ADAMTSL1: variants seen among roughly 807,000 people sequenced by gnomAD.
ADAMTSL1 encodes ADAMTS-like protein 1.
ADAMTSL1 carries 126 observed loss-of-function variants against 201.8 expected under a neutral mutation model. The ratio of observed to expected loss-of-function variants is 0.62; its 90% CI spans 0.54 to 0.72. The LOEUF is 0.72. Among genes scored for constraint, ADAMTSL1 ranks in the 30% least tolerant of loss-of-function variants. ADAMTSL1 has a pLI of 0.00. For synonymous variants in ADAMTSL1, 1,121 were observed against 903.4 expected, an observed-to-expected ratio of 1.24 and a Z score of -4.32; for missense variants, 2,679 against 2,277.8, an observed-to-expected ratio of 1.18 and a Z score of -3.59.
intron 4 of ADAMTSL1, among the ~76,000 whole-genome samples, chr9:18,589,771 G>T (rs112457590): frequency 4.6e-5 from 7 of 152,190 alleles, no homozygotes; most frequent in African/African-American, 1.7e-4. Flanking sequence ...GAGGGTTTTT[G>T]TCATCTACAG....
intron 2 of ADAMTSL1, among the ~76,000 whole-genome samples, chr9:18,397,370 C>A (rs1168591830): frequency 1.3e-5 from 2 of 152,010 alleles, no homozygotes; most frequent in Non-Finnish European, 2.9e-5. Context: ...TTTCTTGAGT[C>A]TATGATACCA....
intron 2 of ADAMTSL1, among the ~76,000 whole-genome samples, chr9:18,439,787 G>A (rs1819917336): frequency 6.6e-6 from 1 of 152,148 alleles, no homozygotes; most frequent in African/African-American, 2.4e-5. Context: ...GGAATGTCAG[G>A]CAAGTTTCTA....
In ADAMTSL1 at chr9:18,680,468, C is replaced by G. The variant is rs1442610523; in HGVS notation, c.1293C>G (p.Pro431=). 1.2e-6 allele frequency: 2 copies of G among 1,614,072 alleles called. No homozygotes were observed. Among genetic ancestry groups the G allele is most frequent in the East Asian group, 4.5e-5 (2 of 44,896 alleles). ...CCCCTAAGATGCCCATCGCGCAGCC[C>G]TGCAACATTTTTGACTGCCCTAAAT... ...MYTPKMPIAQ[P]CNIFDCPKWL... is the part of the protein sequence containing the mutation. The change falls in exon 11 of 29, where the codon CCC becomes CCG. Residue 431 remains proline (P), a synonymous_variant. Transcript: ENST00000380548.
chr9:18,749,545 A>G (rs1041332396), intron 15 of ADAMTSL1, among the ~76,000 whole-genome samples: 3 of 152,104 alleles, frequency 2.0e-5, no homozygotes, highest in African/African-American at 7.2e-5. Flanking sequence ...GAAAGACTCT[A>G]AGTGTATCCC....
At chr9:18,424,341 TA>T (rs1261047446) in intron 2 of ADAMTSL1, among the ~76,000 whole-genome samples, 1 of 152,212 alleles carries the variant, frequency 6.6e-6, no homozygotes, top group Non-Finnish European at 1.5e-5. Context: ...GTGAATACTT[TA>T]GACCAAATAC....
intron 4 of ADAMTSL1, among the ~76,000 whole-genome samples, chr9:18,611,373 G>A (rs12379776): frequency 0.049 from 7,385 of 152,222 alleles, 258 homozygotes; most frequent in East Asian, 0.2. Context: ...CTGCTAAAGA[G>A]CAGTCCCTGA....
intron 1 of ADAMTSL1, among the ~76,000 whole-genome samples, chr9:18,085,882 C>A (rs1823747873): frequency 6.6e-6 from 1 of 151,834 alleles, no homozygotes; most frequent in African/African-American, 2.4e-5. Flanking sequence ...AGGATAGGAA[C>A]TATTTATCTA....
intron 1 of ADAMTSL1, among the ~76,000 whole-genome samples, chr9:17,932,635 C>T (rs2840772): frequency 0.84 from 127,591 of 152,136 alleles, 53,821 homozygotes; most frequent in East Asian, 0.94. Context: ...TAAACTTCCA[C>T]TAAGTTTATC....
At chr9:18,592,226 C>A in intron 4 of ADAMTSL1, among the ~76,000 whole-genome samples, 1 of 152,090 alleles carries the variant, frequency 6.6e-6, no homozygotes, top group East Asian at 1.9e-4. Context: ...TTTGGATCAT[C>A]TCTTGGTCAA....
At chr9:18,668,141 A>G (rs1329831604) in intron 9 of ADAMTSL1, among the ~76,000 whole-genome samples, 3 of 152,212 alleles carry the variant, frequency 2.0e-5, no homozygotes, top group Non-Finnish European at 4.4e-5. Flanking sequence ...TACTACAGTA[A>G]GTAAATGATT....
intron 1 of ADAMTSL1, among the ~76,000 whole-genome samples, chr9:17,977,501 T>C (rs1211144970): frequency 6.6e-6 from 1 of 152,140 alleles, no homozygotes; most frequent in East Asian, 1.9e-4. Flanking sequence ...GATGATCTAT[T>C]TCTCCATTAT....
chr9:18,158,496 CTCATTAGAATAG>C (rs1027849961), intron 1 of ADAMTSL1, among the ~76,000 whole-genome samples: 1 of 151,878 alleles, frequency 6.6e-6, no homozygotes, highest in African/African-American at 2.4e-5. Flanking sequence ...GACATTTAAG[CTCATTAGAATAG>C]TCCTACCAGG....
At chr9:18,227,517 C>T (rs1830475520) in intron 2 of ADAMTSL1, among the ~76,000 whole-genome samples, 1 of 152,154 alleles carries the variant, frequency 6.6e-6, no homozygotes, top group African/African-American at 2.4e-5. Context: ...TAGAAACAAG[C>T]TGTGTTTGAA....
chr9:18,465,761 GTTTTT>G (rs1221038914), intron 2 of ADAMTSL1, among the ~76,000 whole-genome samples: 1 of 152,016 alleles, frequency 6.6e-6, no homozygotes, highest in Non-Finnish European at 1.5e-5. Context: ...GTTTTGTTTT[GTTTTT>G]GAGACAGAGT....
chr9:18,543,257 T>C (rs1820264925), intron 3 of ADAMTSL1, among the ~76,000 whole-genome samples: 1 of 152,180 alleles, frequency 6.6e-6, no homozygotes, highest in African/African-American at 2.4e-5. Flanking sequence ...CTTTTTGGAG[T>C]TGAGAAGAAC....
intron 2 of ADAMTSL1, among the ~76,000 whole-genome samples, chr9:18,391,824 CT>C (rs11407945): frequency 0.014 from 1,676 of 116,674 alleles, 26 homozygotes; most frequent in African/African-American, 0.051. Context: ...TCTTTTCTTT[CT>C]TTTTTTTTTT....
At chr9:18,374,355 G>A (rs1021156587) in intron 2 of ADAMTSL1, among the ~76,000 whole-genome samples, 2 of 150,126 alleles carry the variant, frequency 1.3e-5, no homozygotes, top group East Asian at 2.0e-4. Context: ...TATTTTTTGG[G>A]ATGGGGTCTC....
intron 1 of ADAMTSL1, among the ~76,000 whole-genome samples, chr9:18,024,175 T>C (rs1820596406): frequency 6.6e-6 from 1 of 152,156 alleles, no homozygotes; most frequent in South Asian, 2.1e-4. Context: ...ATTGTAAATG[T>C]TTTATAATTA....
intron 1 of ADAMTSL1, among the ~76,000 whole-genome samples, chr9:18,048,822 A>G (rs1235333447): frequency 6.6e-6 from 1 of 152,108 alleles, no homozygotes; most frequent in Non-Finnish European, 1.5e-5. Context: ...AGTCCATCCC[A>G]TATGTCTATT....
Sources: gnomAD v4.1 joint callset for allele counts (sites outside exome capture counted in the v4.1 genomes callset) on GRCh38, gnomAD v4.1.1 for gene constraint, MANE v1.5 for transcripts, NCBI Gene and HGNC (gene_info 2026-07-23, HGNC 2026-07-21) for gene names.